The following NRXN3 variants were observed in gnomAD, a reference collection of about 807,000 sequenced individuals.
NRXN3 encodes the protein neurexin III.
A neutral mutation model predicts 137.6 loss-of-function variants in NRXN3; 32 were observed. The observed-to-expected ratio is 0.23, with a 90% confidence interval of 0.18 to 0.31. The LOEUF is 0.31. Among genes scored for constraint, NRXN3 ranks in the 10% least tolerant of loss-of-function variants. The pLI, the probability that NRXN3 is intolerant of heterozygous loss-of-function variation, is 1.00. For synonymous variants in NRXN3, 798 were observed against 784.5 expected (o/e 1.02, Z -0.29); for missense variants, 1,574 against 2,062.5 (o/e 0.76, Z 4.59).
chr14:78,860,749 A>G (rs1482611135), intron 10 of NRXN3, among the ~76,000 whole-genome samples: 2 of 152,130 alleles, frequency 1.3e-5, no homozygotes, highest in East Asian at 3.8e-4. Flanking sequence ...CTGAAAGTGG[A>G]TCATCATAAA....
chr14:78,291,100 T>C (rs1464036507), intron 3 of NRXN3, among the ~76,000 whole-genome samples: 36 of 152,326 alleles, frequency 2.4e-4, no homozygotes, highest in Admixed American at 1.9e-3. Flanking sequence ...CATGATTTTC[T>C]GCTTCTGGAT....
intron 15 of NRXN3, among the ~76,000 whole-genome samples, chr14:79,157,393 G>A (rs981659311): frequency 2.0e-5 from 3 of 151,738 alleles, no homozygotes; most frequent in East Asian, 1.9e-4. Context: ...GGTCACTGTG[G>A]AAACCAGAAA....
At chr14:78,216,289 T>C (rs985271006) in intron 1 of NRXN3, among the ~76,000 whole-genome samples, 13 of 152,206 alleles carry the variant, frequency 8.5e-5, no homozygotes, top group African/African-American at 3.1e-4. Flanking sequence ...TTAGTGCCGA[T>C]GACAGTTTGC....
chr14:79,115,335 A>AAAG (rs2054258477), intron 15 of NRXN3, among the ~76,000 whole-genome samples: 1 of 151,492 alleles, frequency 6.6e-6, no homozygotes, highest in African/African-American at 2.4e-5. Flanking sequence ...CAAAAAAAAA[A>AAAG]AAAAAAGAAA....
chr14:79,824,262 A>G (rs2099283672), intron 20 of NRXN3, among the ~76,000 whole-genome samples: 1 of 152,242 alleles, frequency 6.6e-6, no homozygotes, highest in Non-Finnish European at 1.5e-5. Context: ...CTGCAGATTA[A>G]TTGAGACTCT....
chr14:78,364,010 T>C (rs1206563720), intron 4 of NRXN3, among the ~76,000 whole-genome samples: 3 of 152,242 alleles, frequency 2.0e-5, no homozygotes, highest in African/African-American at 7.2e-5. Flanking sequence ...CTATGTTGAC[T>C]TCACCAAAGG....
intron 10 of NRXN3, among the ~76,000 whole-genome samples, chr14:78,818,365 C>T (rs569527134): frequency 1.4e-4 from 21 of 151,968 alleles, no homozygotes; most frequent in South Asian, 4.2e-4. Context: ...GTATCCATTG[C>T]GCTACCTTAA....
chr14:79,391,959 G>A (rs1390051921), intron 15 of NRXN3, among the ~76,000 whole-genome samples: 2 of 152,110 alleles, frequency 1.3e-5, no homozygotes, highest in Non-Finnish European at 2.9e-5. Flanking sequence ...GATTTCTTCA[G>A]TACTCAGCAG....
chr14:78,942,963 G>A (rs941511258), intron 10 of NRXN3, among the ~76,000 whole-genome samples: 2 of 152,152 alleles, frequency 1.3e-5, no homozygotes, highest in Non-Finnish European at 2.9e-5. Context: ...AGAGATGTTG[G>A]AAGAGAGGGA....
At chr14:79,778,647 G>C (rs2099104895) in intron 19 of NRXN3, among the ~76,000 whole-genome samples, 1 of 152,060 alleles carries the variant, frequency 6.6e-6, no homozygotes, top group Admixed American at 6.6e-5. Flanking sequence ...TTTAAAAGAA[G>C]GGCAGGGGAA....
At chr14:79,714,472 C>A (rs2098816807) in intron 19 of NRXN3, among the ~76,000 whole-genome samples, 1 of 152,196 alleles carries the variant, frequency 6.6e-6, no homozygotes, top group Non-Finnish European at 1.5e-5. Flanking sequence ...GCAAAACTCA[C>A]TTCCAACATC....
At chr14:79,764,293 G>T (rs1457825041) in intron 19 of NRXN3, among the ~76,000 whole-genome samples, 1 of 151,992 alleles carries the variant, frequency 6.6e-6, no homozygotes, top group Non-Finnish European at 1.5e-5. Context: ...TTTCATCCAG[G>T]TAAAGCTGAG....
intron 8 of NRXN3, among the ~76,000 whole-genome samples, chr14:78,796,197 C>G (rs1371725903): frequency 6.6e-6 from 1 of 152,148 alleles, no homozygotes; most frequent in Non-Finnish European, 1.5e-5. Flanking sequence ...AATGCGTGTC[C>G]AATTGTCTCT....
chr14:79,847,818 A>C (rs1392550008), intron 20 of NRXN3, among the ~76,000 whole-genome samples: 1 of 152,070 alleles, frequency 6.6e-6, no homozygotes, highest in African/African-American at 2.4e-5. Context: ...CTTTCTCCCA[A>C]CGTGTTGATA....
rs140609752 is a variant in NRXN3 at position 79,148,042 on chromosome 14, C to T, written c.3262+159901C>T. ...CTCATTTATTCATGACAGAATCATA[C>T]GTATAAAAATTCATGTATTCTGGTC... On this transcript the variant is annotated intron_variant, in intron 15 of 20. Transcript: ENST00000335750. Among the ~76,000 whole-genome samples, 51 of 152,122 alleles carry T rather than the reference C, an allele frequency of 3.4e-4. No homozygotes were observed. In the East Asian group the frequency reaches 4.9e-3, roughly 14 times the overall value.
intron 14 of NRXN3, among the ~76,000 whole-genome samples, chr14:78,976,586 T>C (rs1191515789): frequency 6.6e-6 from 1 of 152,228 alleles, no homozygotes; most frequent in Non-Finnish European, 1.5e-5. Context: ...AAACTGAAGA[T>C]TGTATCACAT....
At chr14:79,095,267 G>A (rs1029395205) in intron 15 of NRXN3, among the ~76,000 whole-genome samples, 4 of 152,030 alleles carry the variant, frequency 2.6e-5, no homozygotes, top group Admixed American at 6.6e-5. Flanking sequence ...GCTATAGGCC[G>A]TTATAAATTA....
intron 20 of NRXN3, among the ~76,000 whole-genome samples, chr14:79,810,622 C>A (rs1378725454): frequency 6.6e-6 from 1 of 152,150 alleles, no homozygotes; most frequent in Non-Finnish European, 1.5e-5. Context: ...CTATAATATA[C>A]AACCCAAGCT....
At chr14:78,442,202 C>T (rs947513336) in intron 4 of NRXN3, among the ~76,000 whole-genome samples, 15 of 149,896 alleles carry the variant, frequency 1.0e-4, no homozygotes, top group Admixed American at 6.0e-4. Flanking sequence ...GGGAGGCAGA[C>T]GTCACGGTAA....
Sources: allele counts gnomAD v4.1 joint callset (sites outside exome capture counted in the v4.1 genomes callset), GRCh38; gene constraint gnomAD v4.1.1; transcripts MANE v1.5; gene names NCBI Gene and HGNC (gene_info 2026-07-23, HGNC 2026-07-21).